ZMIZ1: variants seen among roughly 807,000 people sequenced by gnomAD.
The protein encoded by ZMIZ1 is zinc finger MIZ-type containing 1.
Under a neutral mutation model 113.9 loss-of-function variants are expected in ZMIZ1, and 17 were observed. That is an observed-to-expected ratio of 0.15 (90% CI 0.10 to 0.22). ZMIZ1 has a LOEUF of 0.22. Among genes scored for constraint, ZMIZ1 ranks in the 10% least tolerant of loss-of-function variants. The pLI, the probability that ZMIZ1 is intolerant of heterozygous loss-of-function variation, is 1.00. For missense variants in ZMIZ1, 1,059 were observed against 1,477.8 expected, an observed-to-expected ratio of 0.72 and a Z score of 4.65; for synonymous variants, 607 against 603.1, an observed-to-expected ratio of 1.01 and a Z score of -0.09.
At chr10:79,095,416 A>G (rs1413288591) in intron 1 of ZMIZ1, among the ~76,000 whole-genome samples, 1 of 152,246 alleles carries the variant, frequency 6.6e-6, no homozygotes, top group Non-Finnish European at 1.5e-5. Context: ...CGCCCCTTCC[A>G]GGCCCACTTC....
In ZMIZ1 at chr10:79,105,874, C is replaced by T. The variant is rs144356180; in HGVS notation, c.-336-13041C>T. 3.4e-4 allele frequency among the ~76,000 whole-genome samples: 52 copies of T among 152,334 alleles called. No individual in the cohort carries two copies. In the South Asian group the frequency reaches 3.5e-3, roughly 10 times the overall value. ...ATCAGGAAGATGGGAGGAAATGTGA[C>T]GGACTCTGCACACTGTCCAGGTTGC... On this transcript the variant is annotated intron_variant, in intron 1 of 24. Transcript: ENST00000334512.
Position 79,125,190 on chromosome 10 carries a change from G to A in ZMIZ1, c.-227+6166G>A, listed in dbSNP as rs1471907469. 3.3e-5 allele frequency among the ~76,000 whole-genome samples: 5 copies of A among 152,306 alleles called. No homozygotes were observed. The East Asian group carries it at 5.8e-4, about 18-fold the overall frequency. On this transcript the variant is annotated intron_variant, in intron 2 of 24. Transcript: ENST00000334512. ...TCAAATGCTGCAAGATAAAGCGACC[G>A]ACGATGGAGCCAGGTGCCACAATCT... is the stretch of plus-strand genomic sequence containing the variant.
At chr10:79,119,789 C>T (rs1844206736) in intron 2 of ZMIZ1, among the ~76,000 whole-genome samples, 1 of 152,148 alleles carries the variant, frequency 6.6e-6, no homozygotes, top group African/African-American at 2.4e-5. Flanking sequence ...GGCCTGGCCT[C>T]TGGGTGCCTC....
At chr10:79,308,815 C>T (rs778044628) in intron 23 of ZMIZ1, among the ~76,000 whole-genome samples, 11 of 152,110 alleles carry the variant, frequency 7.2e-5, no homozygotes, top group Non-Finnish European at 1.2e-4. Flanking sequence ...ACACATCCTG[C>T]GCCCTCACAG....
chr10:79,091,763 A>G lies in ZMIZ1; in HGVS notation c.-337+22493A>G, dbSNP rs551303183. 3.3e-5 allele frequency among the ~76,000 whole-genome samples: 5 copies of G among 152,304 alleles called. No individual in the cohort carries two copies. In the South Asian group the frequency reaches 8.3e-4, roughly 25 times the overall value. ...GCCAGCACCCATGGACTTTAGGGGAAGAACAGAGGCCAAGTTTCTAGGGAT... is the reference window on the plus strand; with the variant it reads ...GCCAGCACCCATGGACTTTAGGGGAGGAACAGAGGCCAAGTTTCTAGGGAT... On this transcript the variant is annotated intron_variant, in intron 1 of 24. Transcript: ENST00000334512.
chr10:79,174,519 A>G (rs1345319174), intron 4 of ZMIZ1, among the ~76,000 whole-genome samples: 1 of 152,178 alleles, frequency 6.6e-6, no homozygotes, highest in Non-Finnish European at 1.5e-5. Flanking sequence ...GTTTTCATAG[A>G]AACCTAGCAT....
At chr10:79,110,609 C>CT (rs766283039) in intron 1 of ZMIZ1, among the ~76,000 whole-genome samples, 3 of 152,240 alleles carry the variant, frequency 2.0e-5, no homozygotes, top group Non-Finnish European at 4.4e-5. Context: ...ACTCTGAATG[C>CT]TGTGCCCTCT....
At chr10:79,076,253 T>C (rs1323605572) in intron 1 of ZMIZ1, among the ~76,000 whole-genome samples, 1 of 152,206 alleles carries the variant, frequency 6.6e-6, no homozygotes, top group Non-Finnish European at 1.5e-5. Context: ...CATTAGCTCA[T>C]GAAACATGTA....
intron 4 of ZMIZ1, among the ~76,000 whole-genome samples, chr10:79,173,098 G>C (rs1215856976): frequency 6.6e-6 from 1 of 152,100 alleles, no homozygotes; most frequent in African/African-American, 2.4e-5. Context: ...GACACCCTGG[G>C]GCCTGGGCTG....
At chr10:79,106,819 A>G (rs973934113) in intron 1 of ZMIZ1, among the ~76,000 whole-genome samples, 29 of 152,228 alleles carry the variant, frequency 1.9e-4, no homozygotes, top group African/African-American at 6.8e-4. Flanking sequence ...GCTTGGCGGC[A>G]GTCCATGTAA....
At chr10:79,181,660 G>C (rs703984) in intron 4 of ZMIZ1, among the ~76,000 whole-genome samples, 56,517 of 152,084 alleles carry the variant, frequency 0.37, 10,849 homozygotes, top group Admixed American at 0.43. Flanking sequence ...TGGCTGTCCA[G>C]GTCACACCCC....
intron 2 of ZMIZ1, among the ~76,000 whole-genome samples, chr10:79,120,428 C>T (rs1171843136): frequency 2.0e-5 from 3 of 152,186 alleles, no homozygotes; most frequent in Non-Finnish European, 4.4e-5. Context: ...GTTCAGAGGT[C>T]GATGGCTCTG....
intron 8 of ZMIZ1, among the ~76,000 whole-genome samples, chr10:79,281,076 C>A (rs1461526725): frequency 6.6e-6 from 1 of 152,200 alleles, no homozygotes; most frequent in Non-Finnish European, 1.5e-5. Context: ...CCTGCAGCTC[C>A]CCACTAGGGA....
At chr10:79,178,387 A>G (rs1589383050) in intron 4 of ZMIZ1, among the ~76,000 whole-genome samples, 1 of 152,092 alleles carries the variant, frequency 6.6e-6, no homozygotes. Context: ...AGTGACGCCT[A>G]CCAGAGGCGC....
At position 79,174,901 on chromosome 10, in the gene ZMIZ1, C is replaced by T. The variant is rs112264783; in HGVS notation, c.-50+12768C>T. Among the ~76,000 whole-genome samples, 875 of 152,324 alleles carry T rather than the reference C, an allele frequency of 5.7e-3. 12 individuals are homozygous for T. Among genetic ancestry groups the T allele is most frequent in the African/African-American group, 0.02 (817 of 41,566 alleles). ...AAGCCCAGGCCATTGCAGAGGAGGG[C>T]GCAGCATCCCCAGGTGACACCTGCC... On this transcript the variant is annotated intron_variant, in intron 4 of 24. Coordinates refer to ENST00000334512, the MANE Select transcript of ZMIZ1 (RefSeq NM_020338.4).
rs747635093 is a variant in ZMIZ1, at chr10:79,293,507, G to A, written c.1084G>A (p.Gly362Ser). The stretch of plus-strand genomic sequence containing the variant: ...TGGCATGACGCCCTCGGGGATGAGC[G>A]GCCCTCCCATGGGCATGAACCAGCC... ...AAGMTPSGMSGPPMGMNQPRP... is the reference protein window; with the variant it reads ...AAGMTPSGMSSPPMGMNQPRP... The change falls in exon 12 of 25, where the codon GGC becomes AGC. Residue 362 changes from glycine (G) to serine (S), a missense_variant. Around this residue, in one of 6 missense-constraint regions of ZMIZ1, gnomAD observed 83 missense variants for 103.7 expected, o/e 0.80. Coordinates refer to ENST00000334512, the MANE Select transcript of ZMIZ1 (RefSeq NM_020338.4). 37 of 1,596,868 alleles carry A rather than the reference G, an allele frequency of 2.3e-5. No homozygotes were observed. The highest frequency in any genetic ancestry group is 1.7e-4 in the Middle Eastern group (1 of 6,020).
chr10:79,307,695 T>A (rs1424700886), intron 23 of ZMIZ1, 124 bp downstream of exon 23: 39 of 1,153,522 alleles, frequency 3.4e-5, no homozygotes, highest in Non-Finnish European at 4.4e-5. Context: ...GGGCTCAGAA[T>A]GGAATAGGAG....
rs1427474085 is a variant in ZMIZ1, at chr10:79,296,015, A to G, written c.1231-456A>G. On this transcript the variant is annotated intron_variant, in intron 12 of 24. Coordinates refer to ENST00000334512, the MANE Select transcript of ZMIZ1 (RefSeq NM_020338.4). This position sits in a 1 kb window ranked among gnomAD's most constrained non-coding sequence, Gnocchi z 4.1. The stretch of plus-strand genomic sequence containing the variant: ...CTGCTCTGAGGGGAGTACGAGGACA[A>G]TGCCACCCAAGTTCAGCCTTGGAAT... The G allele has an allele frequency of 5.1e-6, 1 of 197,200 alleles. No individual in the cohort carries two copies. Among genetic ancestry groups the G allele is most frequent in the South Asian group, 7.4e-5 (1 of 13,536 alleles). 12.2% of individuals were successfully genotyped at this position (197,200 alleles called of 1,614,324 possible).
chr10:79,110,202 C>T (rs1488077130), intron 1 of ZMIZ1, among the ~76,000 whole-genome samples: 5 of 152,196 alleles, frequency 3.3e-5, no homozygotes, highest in African/African-American at 1.2e-4. Context: ...CAGGCATGTT[C>T]GTAGTAGTAT....
Sources: gnomAD v4.1 joint callset for allele counts (sites outside exome capture counted in the v4.1 genomes callset) on GRCh38, gnomAD v4.1.1 for gene constraint, gnomAD v4.1.1 regional missense constraint, Gnocchi (gnomAD v3.1) non-coding constraint, MANE v1.5 for transcripts, NCBI Gene and HGNC (gene_info 2026-07-23, HGNC 2026-07-21) for gene names.